HPS4: variants seen among roughly 807,000 people sequenced by gnomAD.
HPS4 encodes HPS4 biogenesis of lysosomal organelles complex 3 subunit 2.
In HPS4, 44 loss-of-function variants were observed where a neutral mutation model predicts 70.3. That is an observed-to-expected ratio of 0.63 (90% CI 0.49 to 0.80). The LOEUF is 0.80. HPS4 is among the 30% of genes least tolerant of loss of function. HPS4 has a pLI of 0.00. For synonymous variants in HPS4, 377 were observed against 355.9 expected, an observed-to-expected ratio of 1.06 and a Z score of -0.67; for missense variants, 873 against 884.4, an observed-to-expected ratio of 0.99 and a Z score of 0.16.
intron 13 of HPS4, among the ~76,000 whole-genome samples, chr22:26,455,879 G>A (rs988130186): frequency 6.6e-6 from 1 of 152,092 alleles, no homozygotes; most frequent in Non-Finnish European, 1.5e-5. Flanking sequence ...AGGGCCACAA[G>A]GTGGTTGGTG....
downstream of HPS4, chr22:26,443,369 G>A (rs1266425304): frequency 3.4e-6 from 2 of 589,658 alleles, no homozygotes; most frequent in Non-Finnish European, 5.9e-6. Context: ...TCTTTCCCTT[G>A]GTTATTGTAA....
In HPS4 at chr22:26,458,423, AG is replaced by A. The variant is rs1569030656; in HGVS notation, c.1846+21del. 5 of 1,613,896 alleles carry A rather than the reference AG, an allele frequency of 3.1e-6. No individual in the cohort carries two copies. The Admixed American group carries it at 8.3e-5, about 27-fold the overall frequency. On this transcript the variant is annotated intron_variant, in intron 12 of 13. Transcript: ENST00000398145. ...TAGAATCTGGCATCCCCGTCGCCCC[AG>A]GCCCCTTGGCTGGTTCTTACCCATC...
At chr22:26,458,676 G>T in intron 11 of HPS4, 99 bp from the exon 12 acceptor site, 1 of 1,428,920 alleles carries the variant, frequency 7.0e-7, no homozygotes, top group South Asian at 1.3e-5. Context: ...AAATCCTCCA[G>T]CCAGGCACGG....
chr22:26,471,870 C>T (rs1261739712), intron 6 of HPS4, among the ~76,000 whole-genome samples: 1 of 152,208 alleles, frequency 6.6e-6, no homozygotes, highest in Non-Finnish European at 1.5e-5. Context: ...CTCAGAGATA[C>T]AAAAACAGTT....
chr22:26,458,967 T>A (rs2086730394), intron 11 of HPS4, among the ~76,000 whole-genome samples: 1 of 151,262 alleles, frequency 6.6e-6, no homozygotes, highest in Admixed American at 6.6e-5. Context: ...AGAAAAGAGA[T>A]GAGCAAAAAA....
At chr22:26,446,936 G>A (rs912700420), downstream of HPS4, among the ~76,000 whole-genome samples, 1 of 152,172 alleles carries the variant, frequency 6.6e-6, no homozygotes, top group Non-Finnish European at 1.5e-5. Flanking sequence ...ATGTTGGCCA[G>A]GCTGATCTCG....
At chr22:26,478,573 A>C (rs2090893579) in intron 3 of HPS4, among the ~76,000 whole-genome samples, 2 of 151,398 alleles carry the variant, frequency 1.3e-5, no homozygotes, top group African/African-American at 4.8e-5. Flanking sequence ...TCCATCACAA[A>C]AAAAAAAAAA....
chr22:26,454,229 C>T (rs2085686989), intron 13 of HPS4, among the ~76,000 whole-genome samples: 1 of 152,220 alleles, frequency 6.6e-6, no homozygotes, highest in Admixed American at 6.5e-5. Context: ...GTCTCCTGCA[C>T]CCACTGGCCC....
chr22:26,466,092 A>G (rs1236997800), intron 9 of HPS4, 134 bp downstream of exon 9: 2 of 1,595,210 alleles, frequency 1.3e-6, no homozygotes, highest in East Asian at 4.5e-5. Flanking sequence ...GAAGCTCCAT[A>G]ACATCCATTT....
In HPS4 at chr22:26,458,432, G is replaced by C. The variant is rs760258124; in HGVS notation, c.1846+13C>G. 3 of 1,614,082 alleles carry C rather than the reference G, an allele frequency of 1.9e-6. No homozygotes were observed. The highest frequency in any genetic ancestry group is 2.5e-6 in the Non-Finnish European group (3 of 1,180,012). ...GCATCCCCGTCGCCCCAGGCCCCTT[G>C]GCTGGTTCTTACCCATCAGCAAGCT... is the stretch of plus-strand genomic sequence containing the variant. On this transcript the variant is annotated intron_variant, in intron 12 of 13. Transcript: ENST00000398145.
At position 26,457,883 on chromosome 22, in the gene HPS4, G is replaced by A. The variant is rs373905924; in HGVS notation, c.1931C>T (p.Pro644Leu). ...CCTGACAGTCATTTCATAAAGCGCG[G>A]GCAGCTGGGCAAATTCGCTATGCAT... ...SLMHSEFAQL[P>L]ALYEMTVRNA... The change falls in exon 13 of 14, where the codon CCC becomes CTC. Residue 644 changes from proline to leucine, a missense_variant. Physicochemically the swap from Pro to Leu is moderately conservative, Grantham distance 98. Transcript: ENST00000398145. 1.9e-6 allele frequency: 3 copies of A among 1,614,100 alleles called. No individual in the cohort carries two copies. In the East Asian group the frequency reaches 6.7e-5, roughly 36 times the overall value.
chr22:26,470,742 A>G lies in HPS4; in HGVS notation c.573T>C (p.Ala191=), dbSNP rs771282968. 2.5e-6 allele frequency: 4 copies of G among 1,614,068 alleles called. No individual in the cohort carries two copies. Among genetic ancestry groups the G allele is most frequent in the Non-Finnish European group, 3.4e-6 (4 of 1,180,040 alleles). ...ACAGTCCTTTATAGAGGATGCAGCC[A>G]GCGAGAATGTGAGGCGAGCGCTGGC... is the stretch of plus-strand genomic sequence containing the variant. ...QTCQRSPHIL[A]GCILYKGLIV... is the part of the protein sequence containing the mutation. Residue 191 remains alanine (A), a synonymous_variant, in exon 7 of 14, where the codon GCT becomes GCC. Transcript: ENST00000398145.
At chr22:26,460,744 T>C (rs1015806876) in intron 11 of HPS4, among the ~76,000 whole-genome samples, 1 of 152,222 alleles carries the variant, frequency 6.6e-6, no homozygotes, top group South Asian at 2.1e-4. Flanking sequence ...GCCTATAAAC[T>C]AAATCCAGCC....
chr22:26,476,904 G>C, intron 4 of HPS4, 89 bp downstream of exon 4: 2 of 1,436,782 alleles, frequency 1.4e-6, no homozygotes, highest in Non-Finnish European at 2.0e-6. Context: ...GGTGGGGGCA[G>C]ATAATTCTAA....
In HPS4 at chr22:26,457,848, G is replaced by A; in HGVS notation, c.1955+11C>T. The A allele has an allele frequency of 1.2e-6, 2 of 1,607,458 alleles. No individual in the cohort carries two copies. The highest frequency in any genetic ancestry group is 2.2e-5 in the East Asian group (1 of 44,852). Reference sequence around the variant, plus strand: ...GGAGAGTAGGTTGGGGAGCGACTCAGGGAGGCTCACCTGACAGTCATTTCA... The same window carrying A: ...GGAGAGTAGGTTGGGGAGCGACTCAAGGAGGCTCACCTGACAGTCATTTCA... On this transcript the variant is annotated intron_variant, in intron 13 of 13. Coordinates refer to ENST00000398145, the MANE Select transcript of HPS4 (RefSeq NM_022081.6).
chr22:26,443,438 C>T, downstream of HPS4: 1 of 475,764 alleles, frequency 2.1e-6, no homozygotes, highest in Middle Eastern at 5.9e-4. Flanking sequence ...CAATCATTTG[C>T]TTCAGAGACT....
In HPS4 at chr22:26,464,490, C is replaced by T. The variant is rs764993355; in HGVS notation, c.1140G>A (p.Val380=). ...AGGCAAAATGACCTGAGGCCATTTC[C>T]ACTTCCTGAGCCTCTGGAATGTGGA... ...SEIHIPEAQE[V]EMASGHFAFL... The change falls in exon 11 of 14, where the codon GTG becomes GTA. Residue 380 remains valine (V), a synonymous_variant. Transcript: ENST00000398145. The T allele has an allele frequency of 3.1e-6, 5 of 1,614,206 alleles. No individual in the cohort carries two copies. The highest frequency in any genetic ancestry group is 3.3e-5 in the Admixed American group (2 of 60,030).
intron 3 of HPS4, among the ~76,000 whole-genome samples, chr22:26,445,518 A>C (rs1052985130): frequency 3.3e-5 from 5 of 152,166 alleles, no homozygotes; most frequent in Non-Finnish European, 7.4e-5. Context: ...AAGGAGCAAT[A>C]GATGTCTAAC....
chr22:26,472,539 G>C, intron 5 of HPS4, 121 bp from the exon 6 acceptor site: 3 of 803,012 alleles, frequency 3.7e-6, no homozygotes, highest in Non-Finnish European at 6.7e-6. Context: ...GGGAGGACCT[G>C]TTTTAAACCT....
Sources: allele counts gnomAD v4.1 joint callset (sites outside exome capture counted in the v4.1 genomes callset), GRCh38; gene constraint gnomAD v4.1.1; transcripts MANE v1.5; gene names NCBI Gene and HGNC (gene_info 2026-07-23, HGNC 2026-07-21).